The following ITGA2 variants were observed in gnomAD, a reference collection of about 807,000 sequenced individuals.
ITGA2 encodes the protein integrin alpha-2.
Under a neutral mutation model 146.3 loss-of-function variants are expected in ITGA2, and 101 were observed. The ratio of observed to expected loss-of-function variants is 0.69; its 90% CI spans 0.59 to 0.81. The LOEUF (loss-of-function observed/expected upper bound fraction) is 0.81. Among genes scored for constraint, ITGA2 ranks in the 40% least tolerant of loss-of-function variants. ITGA2 has a pLI of 0.00. For synonymous variants in ITGA2, 477 were observed against 487.1 expected (o/e 0.98, Z 0.27); for missense variants, 1,281 against 1,402.7 (o/e 0.91, Z 1.39).
At chr5:53,051,311 G>A (rs1744348933) in intron 6 of ITGA2, 100 bp from the exon 7 acceptor site, 12 of 1,231,558 alleles carry the variant, frequency 9.7e-6, no homozygotes, top group Non-Finnish European at 1.3e-5. Flanking sequence ...AAAGCTACCG[G>A]CCCATGTCTA....
chr5:53,056,285 A>G, intron 9 of ITGA2, 136 bp downstream of exon 9: 1 of 664,822 alleles, frequency 1.5e-6, no homozygotes, highest in Non-Finnish European at 2.6e-6. Context: ...AGAGAAATGG[A>G]TGAAAAACAT....
At chr5:53,064,871 T>C in intron 13 of ITGA2, 41 bp from the exon 14 acceptor site, 1 of 1,575,808 alleles carries the variant, frequency 6.3e-7, no homozygotes, top group South Asian at 1.1e-5. Context: ...ATACAAGTTG[T>C]AAGGTTTGCT....
intron 2 of ITGA2, among the ~76,000 whole-genome samples, chr5:53,034,022 A>G (rs995021953): frequency 3.1e-4 from 47 of 152,180 alleles, no homozygotes; most frequent in African/African-American, 1.1e-3. Flanking sequence ...TCAGCCTCCC[A>G]AAGTGCTGGG....
rs761408802 is a variant in ITGA2, at chr5:52,989,478, G to A, written c.10G>A (p.Glu4Lys). 8 of 1,614,090 alleles carry A rather than the reference G, an allele frequency of 5.0e-6. No homozygotes were observed. Among genetic ancestry groups the A allele is most frequent in the Non-Finnish European group, 6.8e-6 (8 of 1,180,032 alleles). MGP[E>K]RTGAAPLPLL... The stretch of plus-strand genomic sequence containing the variant: ...CCCGGTCAGACCCAGGATGGGGCCA[G>A]AACGGACAGGGGCCGCGCCGCTGCC... The change falls in exon 1 of 30, where the codon GAA becomes AAA. Residue 4 changes from glutamate (E) to lysine (K), a missense_variant. Coordinates refer to ENST00000296585, the MANE Select transcript of ITGA2 (RefSeq NM_002203.4).
chr5:53,092,457 T>G lies in ITGA2; in HGVS notation c.*1858T>G, dbSNP rs1740475517. ...GGTGGCAGTCCAGGGCTATCTGTAC[T>G]GTTTACAGAATTACTTTGTAGTTGA... On this transcript the variant is annotated 3_prime_UTR_variant, in exon 30 of 30. Transcript: ENST00000296585. 6.6e-6 allele frequency: 1 copy of G among 152,122 alleles called. No homozygotes were observed. The highest frequency in any genetic ancestry group is 2.4e-5 in the African/African-American group (1 of 41,418). The allele number at this position is 152,122 out of a possible 1,614,324, so 9.4% of individuals were successfully genotyped here. A position where few individuals can be genotyped will look rare whatever the true frequency, so the allele number is the denominator to read the frequency against.
chr5:52,992,867 G>A (rs1741045077), intron 1 of ITGA2, among the ~76,000 whole-genome samples: 1 of 151,890 alleles, frequency 6.6e-6, no homozygotes. Flanking sequence ...TTTCTTTACT[G>A]TATGCTTTCC....
rs1352776906 is a variant in ITGA2, at chr5:53,060,984, G to C, written c.1396G>C (p.Val466Leu). The change falls in exon 12 of 30, where the codon GTG becomes CTG. Residue 466 changes from valine (V) to leucine (L), a missense_variant. By Grantham distance (32) the Val-to-Leu change is conservative (BLOSUM62 1). Around this residue, in one of 3 missense-constraint regions of ITGA2, gnomAD observed 795 missense variants for 841.7 expected, o/e 0.94. Coordinates refer to ENST00000296585, the MANE Select transcript of ITGA2 (RefSeq NM_002203.4). ...TCGGGCAAATTATACCGGCCAGATA[G>C]TGCTATATAGTGTGAATGAGAATGG... ...APRANYTGQI[V>L]LYSVNENGNI... 1 of 1,612,300 alleles carries C rather than the reference G, an allele frequency of 6.2e-7. No homozygotes were observed. Among genetic ancestry groups the C allele is most frequent in the East Asian group, 2.2e-5 (1 of 44,828 alleles).
At chr5:53,010,213 T>A (rs945784101) in intron 1 of ITGA2, among the ~76,000 whole-genome samples, 25 of 152,190 alleles carry the variant, frequency 1.6e-4, no homozygotes, top group Middle Eastern at 6.8e-3. Flanking sequence ...TGCAAATTTT[T>A]AAAAAAATGT....
At chr5:53,071,038 A>G (rs1162377737) in intron 17 of ITGA2, among the ~76,000 whole-genome samples, 1 of 151,944 alleles carries the variant, frequency 6.6e-6, no homozygotes, top group African/African-American at 2.4e-5. Flanking sequence ...GAATATGCAG[A>G]TCTAAGGAGC....
chr5:53,027,697 C>T (rs547851676), intron 2 of ITGA2, among the ~76,000 whole-genome samples: 25 of 152,316 alleles, frequency 1.6e-4, no homozygotes, highest in Admixed American at 3.9e-4. Context: ...CCAACCATCC[C>T]CACTCACCCT....
chr5:53,059,717 T>C (rs566807951), intron 10 of ITGA2, among the ~76,000 whole-genome samples, 157 bp from the exon 11 acceptor site: 23 of 152,058 alleles, frequency 1.5e-4, no homozygotes, highest in Admixed American at 1.2e-3. Flanking sequence ...CTAGCACAAA[T>C]ATATTAAGAC....
intron 1 of ITGA2, among the ~76,000 whole-genome samples, chr5:52,994,620 G>A (rs774261932): frequency 1.4e-4 from 22 of 152,216 alleles, no homozygotes; most frequent in Non-Finnish European, 2.9e-4. Context: ...TAAGGATAAA[G>A]CTAGTATATT....
At position 53,072,004 on chromosome 5, in the gene ITGA2, A is replaced by G; in HGVS notation, c.2302A>G (p.Ser768Gly). ...VDISLENPGT[S>G]PALEAYSETA... Reference sequence around the variant, plus strand: ...CATCAGTCTGGAAAACCCTGGCACTAGCCCTGCCCTTGAAGCCTATTCTGA... The same window carrying G: ...CATCAGTCTGGAAAACCCTGGCACTGGCCCTGCCCTTGAAGCCTATTCTGA... Residue 768 changes from serine (S) to glycine (G), a missense_variant, in exon 18 of 30, where the codon AGC becomes GGC. Physicochemically the swap from Ser to Gly is moderately conservative, Grantham distance 56 (BLOSUM62 0). Around this residue, in one of 3 missense-constraint regions of ITGA2, gnomAD observed 475 missense variants for 530.5 expected, o/e 0.90. Transcript: ENST00000296585. 3.1e-6 allele frequency: 5 copies of G among 1,612,336 alleles called. No homozygotes were observed. The highest frequency in any genetic ancestry group is 3.4e-6 in the Non-Finnish European group (4 of 1,178,928).
At position 53,034,407 on chromosome 5, in the gene ITGA2, C is replaced by CA. The variant is rs34063396; in HGVS notation, c.185+7553dup. ...CCGGGGCAACAGTGAGACTCCAACT[C>CA]AAAAAAAAAAAAAATCTATAGTAGG... On this transcript the variant is annotated intron_variant, in intron 2 of 29. Transcript: ENST00000296585. Among the ~76,000 whole-genome samples the CA allele has an allele frequency of 5.0e-3, 713 of 143,568 alleles. 2 individuals carry two copies. Among genetic ancestry groups the CA allele is most frequent in the South Asian group, 4.8e-3 (22 of 4,538 alleles). 94.2% of individuals were successfully genotyped at this position (143,568 alleles called of 152,430 possible). A position where few individuals can be genotyped will look rare whatever the true frequency, so the allele number is the denominator to read the frequency against.
intron 2 of ITGA2, among the ~76,000 whole-genome samples, chr5:53,030,449 T>C (rs1743171255): frequency 6.6e-6 from 1 of 152,086 alleles, no homozygotes; most frequent in Non-Finnish European, 1.5e-5. Context: ...GAGATTAGGC[T>C]CAAGGCCTAA....
At chr5:53,024,991 A>G (rs1742871573) in intron 1 of ITGA2, among the ~76,000 whole-genome samples, 1 of 152,230 alleles carries the variant, frequency 6.6e-6, no homozygotes, top group African/African-American at 2.4e-5. Flanking sequence ...GCTAAATGAT[A>G]AAATGAACTC....
At chr5:53,070,502 A>G (rs1745338235) in intron 17 of ITGA2, among the ~76,000 whole-genome samples, 1 of 151,974 alleles carries the variant, frequency 6.6e-6, no homozygotes, top group Non-Finnish European at 1.5e-5. Flanking sequence ...TAAAAATACA[A>G]TTCTTAAAGA....
chr5:53,048,276 G>T, intron 4 of ITGA2, 87 bp from the exon 5 acceptor site: 1 of 955,144 alleles, frequency 1.0e-6, no homozygotes. Flanking sequence ...GAAAAGAGTA[G>T]AGATGATTTC....
chr5:53,065,579 G>T (rs757475438), intron 14 of ITGA2, among the ~76,000 whole-genome samples: 15 of 151,786 alleles, frequency 9.9e-5, no homozygotes, highest in Non-Finnish European at 1.8e-4. Flanking sequence ...GCATCAATTT[G>T]CTCCAAGTCC....
Sources: gnomAD v4.1 joint callset for allele counts (sites outside exome capture counted in the v4.1 genomes callset) on GRCh38, gnomAD v4.1.1 for gene constraint, gnomAD v4.1.1 regional missense constraint, MANE v1.5 for transcripts, NCBI Gene and HGNC (gene_info 2026-07-23, HGNC 2026-07-21) for gene names.